The following WDHD1 variants were observed in gnomAD, a reference collection of about 807,000 sequenced individuals.
WDHD1 encodes the protein WD repeat and HMG-box DNA-binding protein 1.
WDHD1 carries 111 observed loss-of-function variants against 135.4 expected under a neutral mutation model. The ratio of observed to expected loss-of-function variants is 0.82; its 90% CI spans 0.70 to 0.96. WDHD1 has a LOEUF of 0.96. Among genes scored for constraint, WDHD1 ranks in the 40% least tolerant of loss-of-function variants. The probability of loss-of-function intolerance (pLI) is 0.00; values close to 1 mark genes in which losing one functional copy is unlikely to be tolerated. For missense variants in WDHD1, 1,351 were observed against 1,336.3 expected, an observed-to-expected ratio of 1.01 and a Z score of -0.17; for synonymous variants, 434 against 439.0, an observed-to-expected ratio of 0.99 and a Z score of 0.14.
intron 4 of WDHD1, 34 bp downstream of exon 4, chr14:55,010,275 C>T (rs1566741388): frequency 6.6e-7 from 1 of 1,518,442 alleles, no homozygotes. Flanking sequence ...TTTGTTCTAA[C>T]ATTATTTCCT....
chr14:54,995,040 G>T (rs1164431670), intron 11 of WDHD1, among the ~76,000 whole-genome samples: 1 of 152,096 alleles, frequency 6.6e-6, no homozygotes, highest in African/African-American at 2.4e-5. Flanking sequence ...GCATGCAGTT[G>T]ACGCGATCTC....
At chr14:54,959,565 C>T (rs1376737764) in intron 21 of WDHD1, among the ~76,000 whole-genome samples, 1 of 152,088 alleles carries the variant, frequency 6.6e-6, no homozygotes, top group Non-Finnish European at 1.5e-5. Context: ...GAGTTCCAGA[C>T]CAGCTTCGGC....
At position 54,991,405 on chromosome 14, in the gene WDHD1, A is replaced by G; in HGVS notation, c.1154-5T>C. 2 of 1,612,014 alleles carry G rather than the reference A, an allele frequency of 1.2e-6. No homozygotes were observed. The highest frequency in any genetic ancestry group is 1.1e-5 in the South Asian group (1 of 90,874). ...CAGTTTTTAGCATTGAAATATCTAC[A>G]ACACAAAGGATCATAATTAAGGGAA... On this transcript the variant is annotated splice_region_variant and splice_polypyrimidine_tract_variant and intron_variant, in intron 11 of 25. Coordinates refer to ENST00000360586, the MANE Select transcript of WDHD1 (RefSeq NM_007086.4).
rs545940238 is a variant in WDHD1 at position 55,011,784 on chromosome 14, T to C, written c.190-1324A>G. On this transcript the variant is annotated intron_variant, in intron 3 of 25. Transcript: ENST00000360586. Reference sequence around the variant, plus strand: ...TTATAAATATATTTTCTGATGAAAATAGATACCCTACTTTTATAATGGCTG... The same window carrying C: ...TTATAAATATATTTTCTGATGAAAACAGATACCCTACTTTTATAATGGCTG... Among the ~76,000 whole-genome samples, 167 of 152,070 alleles carry C rather than the reference T, an allele frequency of 1.1e-3. 2 individuals carry two copies. The highest frequency in any genetic ancestry group is 3.9e-3 in the African/African-American group (163 of 41,520).
At chr14:54,955,420 A>C in intron 24 of WDHD1, 141 bp downstream of exon 24, 1 of 649,634 alleles carries the variant, frequency 1.5e-6, no homozygotes, top group Non-Finnish European at 2.2e-6. Flanking sequence ...GCTTCCTTAT[A>C]GTCACAAGTG....
At chr14:54,972,579 A>AAAAAAAAAAAAAAAAAAAAAAAAAAAAAC in intron 16 of WDHD1, among the ~76,000 whole-genome samples, 1 of 126,200 alleles carries the variant, frequency 7.9e-6, no homozygotes, top group Non-Finnish European at 1.6e-5. Flanking sequence ...AAAAAAAAAA[A>AAAAAAAAAAAAAAAAAAAAAAAAAAAAAC]AAAAAAAAAA....
At chr14:54,987,074 TAAC>T (rs1469573984) in intron 14 of WDHD1, 69 bp downstream of exon 14, 1 of 1,556,416 alleles carries the variant, frequency 6.4e-7, no homozygotes, top group African/African-American at 1.4e-5. Flanking sequence ...ACAAAAAGAG[TAAC>T]AAAAACAGCA....
chr14:54,949,144 T>C (rs947195717), intron 24 of WDHD1, among the ~76,000 whole-genome samples: 10 of 152,160 alleles, frequency 6.6e-5, no homozygotes, highest in Admixed American at 1.3e-4. Context: ...GGAACAAAGC[T>C]GGACGGAGAA....
chr14:54,944,199 T>C, intron 25 of WDHD1, 133 bp downstream of exon 25: 1 of 1,072,570 alleles, frequency 9.3e-7, no homozygotes, highest in Non-Finnish European at 1.3e-6. Flanking sequence ...TGAGCTCAAG[T>C]GATCCGCCTC....
At chr14:55,002,004 C>T (rs1197693126) in intron 8 of WDHD1, 89 bp downstream of exon 8, 2 of 925,056 alleles carry the variant, frequency 2.2e-6, no homozygotes, top group Non-Finnish European at 1.7e-6. Context: ...TTTTCCATTC[C>T]AATAATATTT....
chr14:54,962,784 G>A lies in WDHD1; in HGVS notation c.2601C>T (p.Asp867=). 6.2e-7 allele frequency: 1 copy of A among 1,613,676 alleles called. No individual in the cohort carries two copies. The highest frequency in any genetic ancestry group is 8.5e-7 in the Non-Finnish European group (1 of 1,180,008). The change falls in exon 20 of 26, where the codon GAC becomes GAT. Residue 867 remains aspartate, a synonymous_variant. Coordinates refer to ENST00000360586, the MANE Select transcript of WDHD1 (RefSeq NM_007086.4). The part of the protein sequence containing the change: ...FRNQVEEDAE[D]SGEADDEEKP... Reference sequence around the variant, plus strand: ...TTTCTTCATCATCAGCTTCTCCACTGTCCTCAGCATCTTCTTCAACTTGAT... The same window carrying A: ...TTTCTTCATCATCAGCTTCTCCACTATCCTCAGCATCTTCTTCAACTTGAT...
At chr14:54,983,629 C>A (rs1206112494) in intron 15 of WDHD1, among the ~76,000 whole-genome samples, 1 of 151,872 alleles carries the variant, frequency 6.6e-6, no homozygotes, top group South Asian at 2.1e-4. Context: ...GCTGAGATCG[C>A]ATCATTGCAC....
rs958035062 is a variant in WDHD1, at chr14:54,963,099, A to G, written c.2384T>C (p.Leu795Ser). 1.2e-6 allele frequency: 2 copies of G among 1,603,722 alleles called. No homozygotes were observed. Among genetic ancestry groups the G allele is most frequent in the Non-Finnish European group, 1.7e-6 (2 of 1,175,434 alleles). The change falls in exon 19 of 26, where the codon TTA (leucine) becomes TCA (serine). Residue 795 changes from leucine (L) to serine (S), a missense_variant. Around this residue, in one of 2 missense-constraint regions of WDHD1, gnomAD observed 1,330 missense variants for 1,296.1 expected, o/e 1.03. Transcript: ENST00000360586. Reference protein sequence around the residue: ...ADLMTQNAVNLAIKYASRSRK... With the variant: ...ADLMTQNAVNSAIKYASRSRK... Reference sequence around the variant, plus strand: ...AGAGCGAGAAGCATATTTAATGGCTAAATTCACAGCATTTTGAGTCATTAG... The same window carrying G: ...AGAGCGAGAAGCATATTTAATGGCTGAATTCACAGCATTTTGAGTCATTAG...
chr14:54,941,755 T>C, intron 25 of WDHD1, 65 bp from the exon 26 acceptor site: 1 of 1,333,518 alleles, frequency 7.5e-7, no homozygotes, highest in Admixed American at 2.3e-5. Context: ...AAGTAAATGA[T>C]TTATTTACTT....
chr14:54,955,633 T>C lies in WDHD1; in HGVS notation c.2978A>G (p.Lys993Arg). The C allele has an allele frequency of 6.3e-7, 1 of 1,592,704 alleles. No homozygotes were observed. Among genetic ancestry groups the C allele is most frequent in the Non-Finnish European group, 8.5e-7 (1 of 1,172,212 alleles). ...TAATACATTTTTAAGATTTTCTTCT[T>C]TCACTTCCTCAGTTTTATTAGTTTG... The part of the protein sequence containing the change: ...NSQTNKTEEV[K>R]EENLKNVLSE... The change falls in exon 24 of 26, where the codon AAA (lysine) becomes AGA (arginine). Residue 993 changes from lysine (K) to arginine (R), a missense_variant. Lys to Arg is a conservative substitution (Grantham distance 26). Around this residue, in one of 2 missense-constraint regions of WDHD1, gnomAD observed 1,330 missense variants for 1,296.1 expected, o/e 1.03. Transcript: ENST00000360586.
rs2041137145 is a variant in WDHD1 at position 54,955,478 on chromosome 14, TAACA to T, written c.3050+79_3050+82del. On this transcript the variant is annotated intron_variant, in intron 24 of 25. Transcript: ENST00000360586. ...CCAATGTATTATTTGTATTAAGGAA[TAACA>T]GCATTGCATAATTTTGTATTGCTGC... 6.0e-5 allele frequency: 80 copies of T among 1,327,460 alleles called. No homozygotes were observed. In the South Asian group the frequency reaches 1.8e-3, roughly 30 times the overall value. 82.2% of individuals were successfully genotyped at this position (1,327,460 alleles called of 1,614,324 possible). A position where few individuals can be genotyped will look rare whatever the true frequency, so the allele number is the denominator to read the frequency against.
At chr14:54,948,014 G>C (rs1016287777) in intron 24 of WDHD1, among the ~76,000 whole-genome samples, 6 of 151,874 alleles carry the variant, frequency 4.0e-5, no homozygotes, top group Admixed American at 2.6e-4. Context: ...TCAGGAGTTT[G>C]AGACCAGCCT....
intron 10 of WDHD1, among the ~76,000 whole-genome samples, chr14:54,997,634 C>A (rs567010094): frequency 6.6e-6 from 1 of 151,876 alleles, no homozygotes; most frequent in African/African-American, 2.4e-5. Context: ...ATGGGGAGGC[C>A]GGGCATGGTG....
chr14:54,996,886 G>A (rs1206352097), intron 10 of WDHD1, among the ~76,000 whole-genome samples: 2 of 151,854 alleles, frequency 1.3e-5, no homozygotes, highest in Non-Finnish European at 2.9e-5. Flanking sequence ...CCGCCTCCCG[G>A]GTTCAAGCGA....
Sources: allele counts gnomAD v4.1 joint callset (sites outside exome capture counted in the v4.1 genomes callset), GRCh38; gene constraint gnomAD v4.1.1; regional missense constraint gnomAD v4.1.1; transcripts MANE v1.5; gene names NCBI Gene and HGNC (gene_info 2026-07-23, HGNC 2026-07-21).